The following NAA30 variants were observed in gnomAD, a reference collection of about 807,000 sequenced individuals.
NAA30 encodes the protein N-alpha-acetyltransferase 30, NatC catalytic subunit.
A neutral mutation model predicts 31.4 loss-of-function variants in NAA30; 5 were observed. The observed-to-expected ratio is 0.16, with a 90% CI of 0.08 to 0.33. The LOEUF (loss-of-function observed/expected upper bound fraction) is 0.33, where lower values mean the gene tolerates loss of function less well. Ranked by LOEUF, NAA30 falls within the 10% of genes least tolerant of loss-of-function variation. The pLI is 1.00. For synonymous variants in NAA30, 222 were observed against 207.1 expected (o/e 1.07, Z -0.62); for missense variants, 428 against 490.8 (o/e 0.87, Z 1.21).
At position 57,414,385 on chromosome 14, in the gene NAA30, C is replaced by T. The variant is rs947328638; in HGVS notation, c.*4869C>T. 3 of 152,194 alleles carry T rather than the reference C, an allele frequency of 2.0e-5. No individual in the cohort carries two copies. The highest frequency in any genetic ancestry group is 7.2e-5 in the African/African-American group (3 of 41,428). The allele number at this position is 152,194 out of a possible 1,614,324, so 9.4% of individuals were successfully genotyped here. On this transcript the variant is annotated 3_prime_UTR_variant, in exon 5 of 5. Coordinates refer to ENST00000556492, the MANE Select transcript of NAA30 (RefSeq NM_001011713.3). The stretch of plus-strand genomic sequence containing the variant: ...ATGTAGCCTTTCTGAGAAAAGCAGC[C>T]CTTTCAGATTTTATTGTTGGAAGTT...
intron 4 of NAA30, among the ~76,000 whole-genome samples, chr14:57,402,759 A>G (rs543366295): frequency 6.6e-6 from 1 of 152,236 alleles, no homozygotes; most frequent in South Asian, 2.1e-4. Flanking sequence ...AATTTTGACA[A>G]ATTATCTGAA....
chr14:57,406,991 C>G (rs1263805310), intron 4 of NAA30, among the ~76,000 whole-genome samples: 1 of 152,158 alleles, frequency 6.6e-6, no homozygotes, highest in Non-Finnish European at 1.5e-5. Flanking sequence ...CCCCTCGGCT[C>G]AAGTGATCCT....
chr14:57,394,746 TTGTTTGAAATTCCTGTTCAG>T (rs2066443773), intron 2 of NAA30, among the ~76,000 whole-genome samples: 2 of 152,188 alleles, frequency 1.3e-5, no homozygotes, highest in African/African-American at 2.4e-5. Context: ...GGACAAAGAT[TTGTTTGAAATTCCTGTTCAG>T]ATTGAAAGTA....
In NAA30 at chr14:57,391,737, A is replaced by C. The variant is rs200648497; in HGVS notation, c.771+9A>C. 527 of 1,589,122 alleles carry C rather than the reference A, an allele frequency of 3.3e-4. 6 individuals carry two copies. The East Asian group carries it at 7.4e-3, about 22-fold the overall frequency. On this transcript the variant is annotated intron_variant, in intron 2 of 4. Coordinates refer to ENST00000556492, the MANE Select transcript of NAA30 (RefSeq NM_001011713.3). The surrounding 1 kb of genome is among the most constrained non-coding windows in gnomAD (Gnocchi z 4.1). ...CACAGCTGTGCTTCTTGGTAAGTGG[A>C]TAGAATAAAAAGAGGGTGAACCCAG...
intron 4 of NAA30, among the ~76,000 whole-genome samples, chr14:57,407,224 C>T (rs559172264): frequency 5.3e-5 from 8 of 152,142 alleles, no homozygotes; most frequent in Non-Finnish European, 1.0e-4. Flanking sequence ...GAGAAATTGA[C>T]GTTTACTTAA....
At chr14:57,392,402 CGA>C (rs1446479365) in intron 2 of NAA30, among the ~76,000 whole-genome samples, 2 of 151,162 alleles carry the variant, frequency 1.3e-5, no homozygotes, top group African/African-American at 4.9e-5. Flanking sequence ...AAATTGTTAC[CGA>C]TCTGATTTTT....
intron 4 of NAA30, among the ~76,000 whole-genome samples, chr14:57,408,006 G>A (rs140999036): frequency 6.6e-6 from 1 of 152,142 alleles, no homozygotes; most frequent in Non-Finnish European, 1.5e-5. Flanking sequence ...TTGGTGTGGT[G>A]GGGGGTGATC....
At chr14:57,399,772 A>C (rs924630404) in intron 3 of NAA30, 56 bp from the exon 4 acceptor site, 5 of 904,676 alleles carry the variant, frequency 5.5e-6, no homozygotes, top group South Asian at 1.4e-5. Context: ...ATTATAATTT[A>C]GGTTATCTTT....
At position 57,415,019 on chromosome 14, in the gene NAA30, T is replaced by G. The variant is rs1460423023; in HGVS notation, c.*5503T>G. The G allele has an allele frequency of 6.6e-6, 1 of 152,264 alleles. No homozygotes were observed. The highest frequency in any genetic ancestry group is 2.4e-5 in the African/African-American group (1 of 41,476). 9.4% of individuals were successfully genotyped at this position (152,264 alleles called of 1,614,324 possible). A position where few individuals can be genotyped will look rare whatever the true frequency, so the allele number is the denominator to read the frequency against. On this transcript the variant is annotated 3_prime_UTR_variant, in exon 5 of 5. Coordinates refer to ENST00000556492, the MANE Select transcript of NAA30 (RefSeq NM_001011713.3). ...GTTTTTATAATGCTAAGAAATAAGC[T>G]TATTTTTAGATATGGATTTTTTATG...
chr14:57,393,202 A>G lies in NAA30; in HGVS notation c.771+1474A>G, dbSNP rs74797625. Among the ~76,000 whole-genome samples the G allele has an allele frequency of 7.3e-3, 1,114 of 152,278 alleles. 33 individuals carry two copies. Among genetic ancestry groups the G allele is most frequent in the Admixed American group, 0.053 (803 of 15,288 alleles). The stretch of plus-strand genomic sequence containing the variant: ...ATAGTTGTGTATATGATATTTAGTC[A>G]ACTTTGAGTCCTGATAGTTACCTAA... On this transcript the variant is annotated intron_variant, in intron 2 of 4. Transcript: ENST00000556492.
At chr14:57,390,884 T>A (rs937391010) in intron 1 of NAA30, 73 bp from the exon 2 acceptor site, 6 of 1,422,408 alleles carry the variant, frequency 4.2e-6, no homozygotes, top group Middle Eastern at 2.7e-4. Context: ...CCGCCCCCCA[T>A]CCGTCGCCCC....
intron 2 of NAA30, among the ~76,000 whole-genome samples, chr14:57,394,393 T>C (rs1195735640): frequency 6.6e-6 from 1 of 152,178 alleles, no homozygotes; most frequent in Non-Finnish European, 1.5e-5. Context: ...GGCCTTGTAG[T>C]GTTAAGTCTT....
chr14:57,396,801 T>C lies in NAA30; in HGVS notation c.821T>C (p.Met274Thr), dbSNP rs2066452730. The change falls in exon 3 of 5, where the codon ATG becomes ACG. Residue 274 changes from methionine to threonine, a missense_variant. Physicochemically the swap from Met to Thr is moderately conservative, Grantham distance 81. Around this residue, in one of 2 missense-constraint regions of NAA30, gnomAD observed 79 missense variants for 180.3 expected, o/e 0.44. Coordinates refer to ENST00000556492, the MANE Select transcript of NAA30 (RefSeq NM_001011713.3). ...CVGAIVCKLD[M>T]HKKMFRRGYI... ...GGTGCCATCGTTTGCAAGTTGGATA[T>C]GCACAAAAAGATGTTCCGCAGAGGT... 2 of 1,614,000 alleles carry C rather than the reference T, an allele frequency of 1.2e-6. No homozygotes were observed. The highest frequency in any genetic ancestry group is 1.1e-5 in the South Asian group (1 of 91,090).
intron 2 of NAA30, among the ~76,000 whole-genome samples, chr14:57,394,312 T>C (rs946621469): frequency 1.6e-4 from 24 of 152,152 alleles, no homozygotes; most frequent in Non-Finnish European, 3.2e-4. Flanking sequence ...CAGTTTTCTA[T>C]TTGTAGTGTT....
In NAA30 at chr14:57,391,018, G is replaced by T. The variant is rs1458769213; in HGVS notation, c.61G>T (p.Ala21Ser). 5 of 1,497,328 alleles carry T rather than the reference G, an allele frequency of 3.3e-6. No homozygotes were observed. Among genetic ancestry groups the T allele is most frequent in the Non-Finnish European group, 4.4e-6 (5 of 1,131,784 alleles). 92.8% of individuals were successfully genotyped at this position (1,497,328 alleles called of 1,614,324 possible). Residue 21 changes from alanine (A) to serine (S), a missense_variant, in exon 2 of 5, where the codon GCG becomes TCG. Ala to Ser is a moderately conservative substitution (Grantham distance 99). Transcript: ENST00000556492. The surrounding 1 kb of genome is among the most constrained non-coding windows in gnomAD (Gnocchi z 4.1). ...LLPPPAPPAP[A>S]AVEPRCPFPA... ...CCCACCACCAGCACCTCCGGCCCCG[G>T]CGGCGGTCGAGCCCCGCTGTCCCTT... is the stretch of plus-strand genomic sequence containing the variant.
chr14:57,406,164 A>T (rs1047190118), intron 4 of NAA30, among the ~76,000 whole-genome samples: 3 of 152,088 alleles, frequency 2.0e-5, no homozygotes, highest in African/African-American at 7.2e-5. Context: ...GAATCTTTAC[A>T]TTTTGACTAG....
Position 57,391,597 on chromosome 14 carries a change from C to G in NAA30, c.640C>G (p.Arg214Gly). 6.2e-7 allele frequency: 1 copy of G among 1,614,230 alleles called. No homozygotes were observed. Among genetic ancestry groups the G allele is most frequent in the Non-Finnish European group, 8.5e-7 (1 of 1,180,042 alleles). Residue 214 changes from arginine to glycine, a missense_variant, in exon 2 of 5, where the codon CGA (arginine) becomes GGA (glycine). Around this residue, in one of 2 missense-constraint regions of NAA30, gnomAD observed 349 missense variants for 310.4 expected, o/e 1.12. Transcript: ENST00000556492. The surrounding 1 kb of genome is among the most constrained non-coding windows in gnomAD (Gnocchi z 4.1). ...TGAGCCTGGGGAGGATCGGACGATA[C>G]GATATGTCCGATATGAATCCGAGCT... Reference protein sequence around the residue: ...EVEPGEDRTIRYVRYESELQM... With the variant: ...EVEPGEDRTIGYVRYESELQM...
chr14:57,409,128 C>G (rs542378970), intron 4 of NAA30, among the ~76,000 whole-genome samples: 2 of 152,304 alleles, frequency 1.3e-5, no homozygotes, highest in African/African-American at 2.4e-5. Context: ...AAAACATACT[C>G]TCATTGCTAA....
intron 4 of NAA30, among the ~76,000 whole-genome samples, chr14:57,405,614 A>T (rs2066495513): frequency 6.6e-6 from 1 of 152,110 alleles, no homozygotes; most frequent in Admixed American, 6.5e-5. Context: ...CAGTTGTGTG[A>T]TTGTAGGCAG....
Sources: gnomAD v4.1 joint callset for allele counts (sites outside exome capture counted in the v4.1 genomes callset) on GRCh38, gnomAD v4.1.1 for gene constraint, gnomAD v4.1.1 regional missense constraint, Gnocchi (gnomAD v3.1) non-coding constraint, MANE v1.5 for transcripts, NCBI Gene and HGNC (gene_info 2026-07-23, HGNC 2026-07-21) for gene names.